Variants in NCAPG observed in about 807,000 individuals in gnomAD.
The protein encoded by NCAPG is non-SMC condensin I complex subunit G, also known as condensin complex subunit 3.
NCAPG carries 69 observed loss-of-function variants against 113.1 expected under a neutral mutation model. The observed-to-expected ratio is 0.61, with a 90% CI of 0.50 to 0.75. The LOEUF is 0.75. NCAPG is among the 30% of genes least tolerant of loss of function. NCAPG has a pLI of 0.00. For missense variants in NCAPG, 1,058 were observed against 1,177.0 expected, an observed-to-expected ratio of 0.90 and a Z score of 1.48; for synonymous variants, 370 against 415.8, an observed-to-expected ratio of 0.89 and a Z score of 1.34.
Position 17,823,071 on chromosome 4 carries a change from C to A in NCAPG, c.1207C>A (p.Gln403Lys). Residue 403 changes from glutamine (Q) to lysine (K), a missense_variant, in exon 8 of 21, where the codon CAA becomes AAA. Coordinates refer to ENST00000251496, the MANE Select transcript of NCAPG (RefSeq NM_022346.5). ...TTTGATGACAAAAGAATTCATAGGTCAACAATTGATTCTAATTATTAAGTC... is the reference window on the plus strand; with the variant it reads ...TTTGATGACAAAAGAATTCATAGGTAAACAATTGATTCTAATTATTAAGTC... ...GNLMTKEFIG[Q>K]QLILIIKSLD... 1 of 1,608,932 alleles carries A rather than the reference C, an allele frequency of 6.2e-7. No individual in the cohort carries two copies.
intron 11 of NCAPG, among the ~76,000 whole-genome samples, chr4:17,828,055 C>T (rs1051951820): frequency 3.9e-5 from 6 of 152,020 alleles, no homozygotes; most frequent in African/African-American, 1.5e-4. Context: ...CCTGCCTTGG[C>T]CCCCCAAAGT....
chr4:17,817,501 CAATT>C (rs1721260419), intron 6 of NCAPG, 48 bp downstream of exon 6: 2 of 1,489,210 alleles, frequency 1.3e-6, no homozygotes, highest in East Asian at 4.6e-5. Flanking sequence ...TTAACTTGTG[CAATT>C]AATTTGTTTT....
intron 16 of NCAPG, among the ~76,000 whole-genome samples, chr4:17,838,612 T>G (rs1722198361): frequency 6.6e-6 from 1 of 152,108 alleles, no homozygotes; most frequent in Non-Finnish European, 1.5e-5. Context: ...AGGAAGGATG[T>G]TTTAGTAAAG....
intron 14 of NCAPG, among the ~76,000 whole-genome samples, chr4:17,835,632 C>T (rs1228765741): frequency 6.6e-6 from 1 of 152,198 alleles, no homozygotes; most frequent in Non-Finnish European, 1.5e-5. Flanking sequence ...GCTCCTCATT[C>T]CCCCTTCTGC....
chr4:17,817,129 A>G, intron 5 of NCAPG, 132 bp from the exon 6 acceptor site: 1 of 631,408 alleles, frequency 1.6e-6, no homozygotes, highest in Non-Finnish European at 2.7e-6. Context: ...ATATATATAC[A>G]TGCTTAGTTG....
rs373208523 is a variant in NCAPG, at chr4:17,840,595, T to G, written c.2768-12T>G. The G allele has an allele frequency of 7.2e-6, 10 of 1,386,252 alleles. No individual in the cohort carries two copies. The highest frequency in any genetic ancestry group is 9.6e-6 in the Non-Finnish European group (10 of 1,039,836). The allele number at this position is 1,386,252 out of a possible 1,614,324, so 85.9% of individuals were successfully genotyped here. On this transcript the variant is annotated splice_polypyrimidine_tract_variant and intron_variant, in intron 18 of 20. Coordinates refer to ENST00000251496, the MANE Select transcript of NCAPG (RefSeq NM_022346.5). ...TATCTTATTTATATTGTTGTATTAT[T>G]CCCTTTAATAGAAAAGAATAAAGAA...
At chr4:17,835,278 T>C (rs1369386176) in intron 14 of NCAPG, among the ~76,000 whole-genome samples, 1 of 152,070 alleles carries the variant, frequency 6.6e-6, no homozygotes, top group Non-Finnish European at 1.5e-5. Context: ...GTGATCATAG[T>C]CCACTGACCC....
chr4:17,811,669 T>C lies in NCAPG; in HGVS notation c.111+481T>C, dbSNP rs376849918. Among the ~76,000 whole-genome samples, 11 of 152,300 alleles carry C rather than the reference T, an allele frequency of 7.2e-5. No homozygotes were observed. In the East Asian group the frequency reaches 1.9e-3, roughly 27 times the overall value. ...AATCCAATCACCAAATACCAAATTA[T>C]TTTTAGGGCCTGGCCATTCTTATTT... On this transcript the variant is annotated intron_variant, in intron 1 of 20. Coordinates refer to ENST00000251496, the MANE Select transcript of NCAPG (RefSeq NM_022346.5). The surrounding 1 kb of genome is among the most constrained non-coding windows in gnomAD (Gnocchi z 5.3).
In NCAPG at chr4:17,830,714, T is replaced by C. The variant is rs535152539; in HGVS notation, c.1765-283T>C. On this transcript the variant is annotated intron_variant, in intron 12 of 20. Coordinates refer to ENST00000251496, the MANE Select transcript of NCAPG (RefSeq NM_022346.5). Reference sequence around the variant, plus strand: ...CAAGAGGTAGCATGGTATAAGAAGATTGGGAAAGAAACTACACAATAGGGA... The same window carrying C: ...CAAGAGGTAGCATGGTATAAGAAGACTGGGAAAGAAACTACACAATAGGGA... Among the ~76,000 whole-genome samples the C allele has an allele frequency of 6.0e-4, 92 of 152,148 alleles. No homozygotes were observed. The South Asian group carries it at 8.3e-3, about 14-fold the overall frequency.
intron 13 of NCAPG, among the ~76,000 whole-genome samples, chr4:17,831,983 A>G (rs1182521177): frequency 2.0e-5 from 3 of 152,206 alleles, no homozygotes; most frequent in Non-Finnish European, 4.4e-5. Flanking sequence ...TTTGTGGGCC[A>G]TATGATCTGT....
In NCAPG at chr4:17,825,068, T is replaced by C. The variant is rs1721609690; in HGVS notation, c.1473+11T>C. ...AAGAAAGAACTCAAGGTAAGTCTCT[T>C]TTAAATGAAAGAAGTGCTTGAGTGT... On this transcript the variant is annotated intron_variant, in intron 10 of 20. Transcript: ENST00000251496. The C allele has an allele frequency of 6.3e-7, 1 of 1,599,030 alleles. No homozygotes were observed. Among genetic ancestry groups the C allele is most frequent in the African/African-American group, 1.3e-5 (1 of 74,328 alleles).
chr4:17,817,012 C>T (rs1466091526), intron 5 of NCAPG, among the ~76,000 whole-genome samples: 1 of 152,146 alleles, frequency 6.6e-6, no homozygotes, highest in Non-Finnish European at 1.5e-5. Context: ...ACTCGGGAGG[C>T]TGAGGCAGGA....
At chr4:17,829,959 T>G (rs1356632296) in intron 12 of NCAPG, among the ~76,000 whole-genome samples, 1 of 152,216 alleles carries the variant, frequency 6.6e-6, no homozygotes, top group Non-Finnish European at 1.5e-5. Context: ...ATTTGAACTA[T>G]TCATGGAAGG....
chr4:17,811,255 C>A lies in NCAPG; in HGVS notation c.111+67C>A. 1.0e-6 allele frequency: 1 copy of A among 994,486 alleles called. No individual in the cohort carries two copies. Among genetic ancestry groups the A allele is most frequent in the Non-Finnish European group, 1.4e-6 (1 of 707,166 alleles). 61.6% of individuals were successfully genotyped at this position (994,486 alleles called of 1,614,324 possible). Reference sequence around the variant, plus strand: ...GGCCCACCCTCCCTCAGGGGCCCTCCGTGGCCCTCGGGCTCGGCGCACCGT... The same window carrying A: ...GGCCCACCCTCCCTCAGGGGCCCTCAGTGGCCCTCGGGCTCGGCGCACCGT... On this transcript the variant is annotated intron_variant, in intron 1 of 20. Transcript: ENST00000251496. This position sits in a 1 kb window ranked among gnomAD's most constrained non-coding sequence, Gnocchi z 5.3.
intron 6 of NCAPG, 93 bp downstream of exon 6, chr4:17,817,546 A>G: frequency 1.0e-6 from 1 of 955,106 alleles, no homozygotes; most frequent in Admixed American, 2.4e-5. Flanking sequence ...GATTATATTA[A>G]TACCTTTAAT....
chr4:17,816,286 A>G (rs1721206828), intron 5 of NCAPG, among the ~76,000 whole-genome samples: 1 of 152,150 alleles, frequency 6.6e-6, no homozygotes, highest in African/African-American at 2.4e-5. Flanking sequence ...GAGAGAATCT[A>G]ATGCATCTGC....
chr4:17,837,044 A>G, intron 14 of NCAPG, 115 bp from the exon 15 acceptor site: 5 of 826,900 alleles, frequency 6.0e-6, no homozygotes, highest in African/African-American at 1.7e-5. Context: ...AGAATTTGTA[A>G]TAACTCGAAT....
intron 19 of NCAPG, 153 bp from the exon 20 acceptor site, chr4:17,842,157 T>C (rs576224066): frequency 1.7e-6 from 1 of 586,362 alleles, no homozygotes; most frequent in African/African-American, 1.9e-5. Context: ...GTGGCAGTGA[T>C]AACTGGTACC....
In NCAPG at chr4:17,837,286, T is replaced by G; in HGVS notation, c.2237T>G (p.Val746Gly). The change falls in exon 15 of 21, where the codon GTT becomes GGT. Residue 746 changes from valine to glycine, a missense_variant. Val to Gly is a moderately radical substitution (Grantham distance 109). Coordinates refer to ENST00000251496, the MANE Select transcript of NCAPG (RefSeq NM_022346.5). ...TACAATCCTGTGACTGAAGAGGATGTTCAACTTCGACATTGCCTAGGCGTG... is the reference window on the plus strand; with the variant it reads ...TACAATCCTGTGACTGAAGAGGATGGTCAACTTCGACATTGCCTAGGCGTG... Reference protein sequence around the residue: ...LWYNPVTEEDVQLRHCLGVFF... With the variant: ...LWYNPVTEEDGQLRHCLGVFF... 1 of 1,614,000 alleles carries G rather than the reference T, an allele frequency of 6.2e-7. No individual in the cohort carries two copies.
Sources: allele counts gnomAD v4.1 joint callset (sites outside exome capture counted in the v4.1 genomes callset), GRCh38; gene constraint gnomAD v4.1.1; non-coding constraint Gnocchi (gnomAD v3.1); transcripts MANE v1.5; gene names NCBI Gene and HGNC (gene_info 2026-07-23, HGNC 2026-07-21).